ARHGAP4: variants seen among roughly 807,000 people sequenced by gnomAD.
The protein encoded by ARHGAP4 is Rho GTPase activating protein 4.
In ARHGAP4, 25 loss-of-function variants were observed where a neutral mutation model predicts 67.6. The observed-to-expected ratio is 0.37, with a 90% CI of 0.27 to 0.52. The LOEUF (loss-of-function observed/expected upper bound fraction) is 0.52. Ranked by LOEUF, ARHGAP4 falls within the 20% of genes least tolerant of loss-of-function variation. The probability of loss-of-function intolerance (pLI) is 0.92; values close to 1 mark genes in which losing one functional copy is unlikely to be tolerated. For synonymous variants in ARHGAP4, 448 were observed against 373.7 expected (o/e 1.20, Z -2.29); for missense variants, 804 against 854.6 (o/e 0.94, Z 0.74).
At chrX:153,919,789 T>TAA in intron 5 of ARHGAP4, 3 of 852,470 alleles carry the variant, frequency 3.5e-6, no homozygotes, top group African/African-American at 2.2e-5. Flanking sequence ...CTATTTTTTT[T>TAA]TTATTTTTTT....
chrX:153,925,882 G>A (rs1411035263), intron 1 of ARHGAP4, among the ~76,000 whole-genome samples: 3 of 113,136 alleles, frequency 2.7e-5, no homozygotes, highest in Non-Finnish European at 5.6e-5. Context: ...AACCTTGGGT[G>A]AGAAGCGGTA....
At chrX:153,923,950 G>T (rs1395569982) in intron 1 of ARHGAP4, among the ~76,000 whole-genome samples, 3 of 110,944 alleles carry the variant, frequency 2.7e-5, no homozygotes, top group African/African-American at 9.9e-5. Context: ...GCTAATTTTT[G>T]TATTTTTAGT....
chrX:153,909,910 C>T lies in ARHGAP4; in HGVS notation c.2245G>A (p.Val749Met), dbSNP rs1557102457. ...PAQEDDLEGVVEAVACFAYTG... is the reference protein window; with the variant it reads ...PAQEDDLEGVMEAVACFAYTG... ...TAGGCAAAGCAGGCCACAGCCTCCACGACCCCCTCCAGGTCTGGGGAGGAG... is the reference window on the plus strand; with the variant it reads ...TAGGCAAAGCAGGCCACAGCCTCCATGACCCCCTCCAGGTCTGGGGAGGAG... Residue 749 changes from valine (V) to methionine (M), a missense_variant, in exon 19 of 22, where the codon GTG becomes ATG. Transcript: ENST00000350060. 5.8e-6 allele frequency: 7 copies of T among 1,205,252 alleles called. No homozygotes were observed. The highest frequency in any genetic ancestry group is 3.0e-5 in the East Asian group (1 of 33,654).
chrX:153,913,866 C>T lies in ARHGAP4; in HGVS notation c.1046G>A (p.Cys349Tyr), dbSNP rs1603285637. 8.3e-7 allele frequency: 1 copy of T among 1,211,939 alleles called. No homozygotes were observed. The highest frequency in any genetic ancestry group is 1.1e-6 in the Non-Finnish European group (1 of 895,403). Residue 349 changes from cysteine to tyrosine, a missense_variant, in exon 8 of 22, where the codon TGC becomes TAC. Coordinates refer to ENST00000350060, the MANE Select transcript of ARHGAP4 (RefSeq NM_001666.5). ...PHDGDEVAEI[C>Y]VEMELRDEIL... ...CTCGTCCCGCAGCTCCATTTCAACG[C>T]AGATCTCAGCCACCTGCAGAGGGCG...
Position 153,913,021 on chromosome X carries a change from C to T in ARHGAP4, c.1439+3G>A. On this transcript the variant is annotated splice_donor_region_variant and intron_variant, in intron 11 of 21. Coordinates refer to ENST00000350060, the MANE Select transcript of ARHGAP4 (RefSeq NM_001666.5). ...AGGGCCCCAGCCCTCAGGGAGGACT[C>T]ACCAAGACACCTCCTGCTCCTCCTT... 8.4e-7 allele frequency: 1 copy of T among 1,195,522 alleles called. No individual in the cohort carries two copies. The highest frequency in any genetic ancestry group is 1.8e-5 in the South Asian group (1 of 54,815).
intron 1 of ARHGAP4, chrX:153,922,497 G>C: frequency 1.4e-6 from 1 of 692,899 alleles, no homozygotes; most frequent in Non-Finnish European, 1.7e-6. Flanking sequence ...ACCCTGCAGA[G>C]AGAGTCACAC....
At chrX:153,920,458 T>C in intron 5 of ARHGAP4, 168 bp downstream of exon 5, 1 of 577,539 alleles carries the variant, frequency 1.7e-6, no homozygotes, top group Middle Eastern at 5.5e-4. Flanking sequence ...TTTTCCCCAC[T>C]CTCTCAGGCC....
In ARHGAP4 at chrX:153,921,490, C is replaced by T; in HGVS notation, c.310G>A (p.Ala104Thr). The change falls in exon 3 of 22, where the codon GCG (alanine) becomes ACG (threonine). Residue 104 changes from alanine to threonine, a missense_variant. Ala to Thr is a moderately conservative substitution (Grantham distance 58). This residue lies in a region of ARHGAP4 where 404 missense variants were observed against 505.9 expected (regional missense o/e 0.80). Transcript: ENST00000350060. ...PSLLSPLHCW[A>T]VLLQHTRQQS... ...TGCCGCGTGTGCTGCAGCAGCACCG[C>T]CCAGCAGTGCAAGGGCGACAGGAGG... 4 of 1,198,722 alleles carry T rather than the reference C, an allele frequency of 3.3e-6. No homozygotes were observed. Among genetic ancestry groups the T allele is most frequent in the Non-Finnish European group, 4.5e-6 (4 of 889,019 alleles).
At position 153,920,681 on chromosome X, in the gene ARHGAP4, T is replaced by G; in HGVS notation, c.626A>C (p.Glu209Ala). 1 of 1,211,387 alleles carries G rather than the reference T, an allele frequency of 8.3e-7. No homozygotes were observed. Among genetic ancestry groups the G allele is most frequent in the Non-Finnish European group, 1.1e-6 (1 of 895,342 alleles). ...GGAGCTCTTGCGGAGGGGCCCTGCC[T>G]CAGTGGCACCAGCGGTGGTGGTGGG... ...SVPTTTAGAT[E>A]AGPLRKSSLK... The change falls in exon 5 of 22, where the codon GAG becomes GCG. Residue 209 changes from glutamate to alanine, a missense_variant. This residue lies in a region of ARHGAP4 where 404 missense variants were observed against 505.9 expected (regional missense o/e 0.80). Transcript: ENST00000350060.
Position 153,913,606 on chromosome X carries a change from G to A in ARHGAP4, c.1135-6C>T. The A allele has an allele frequency of 8.3e-7, 1 of 1,200,721 alleles. No homozygotes were observed. Among genetic ancestry groups the A allele is most frequent in the Non-Finnish European group, 1.1e-6 (1 of 888,142 alleles). ...GCCTTCAGAGTCTTGTTCACCTGCA[G>A]AGGAGACCACACCAGGGTGGTAAGA... On this transcript the variant is annotated splice_region_variant and splice_polypyrimidine_tract_variant and intron_variant, in intron 8 of 21. Coordinates refer to ENST00000350060, the MANE Select transcript of ARHGAP4 (RefSeq NM_001666.5).
At chrX:153,924,569 G>A (rs1470579084) in intron 1 of ARHGAP4, among the ~76,000 whole-genome samples, 6 of 111,833 alleles carry the variant, frequency 5.4e-5, no homozygotes, top group Admixed American at 2.8e-4. Context: ...TGAGCCATGT[G>A]AGGGCGGGGT....
rs781804209 is a variant in ARHGAP4, at chrX:153,926,114, G to C, written c.67+22C>G. On this transcript the variant is annotated intron_variant, in intron 1 of 21. Transcript: ENST00000350060. ...TGGGTTCTCCGCAGGAAACGGGCCGGGAGCGCCCGGCGCCCTCTCACCTTT... is the reference window on the plus strand; with the variant it reads ...TGGGTTCTCCGCAGGAAACGGGCCGCGAGCGCCCGGCGCCCTCTCACCTTT... The C allele has an allele frequency of 6.7e-6, 8 of 1,201,946 alleles. No homozygotes were observed. The South Asian group carries it at 1.4e-4, about 21-fold the overall frequency.
chrX:153,922,328 C>T (rs1557105538), intron 1 of ARHGAP4: 1 of 759,366 alleles, frequency 1.3e-6, no homozygotes, highest in Non-Finnish European at 1.6e-6. Flanking sequence ...GAAGCCTGCC[C>T]TCAGGCCCCA....
intron 5 of ARHGAP4, chrX:153,919,595 C>A (rs1002257878): frequency 3.4e-6 from 4 of 1,165,485 alleles, no homozygotes; most frequent in Non-Finnish European, 4.6e-6. Context: ...GCACATGGCA[C>A]CCCACCATGG....
chrX:153,911,214 A>C, intron 12 of ARHGAP4, 25 bp from the exon 13 acceptor site: 1 of 1,085,665 alleles, frequency 9.2e-7, no homozygotes. Flanking sequence ...TGTTTACTTC[A>C]CCATGGACAC....
At position 153,907,776 on chromosome X, in the gene ARHGAP4, A is replaced by G; in HGVS notation, c.2794T>C (p.Ser932Pro). Residue 932 changes from serine to proline, a missense_variant, in exon 22 of 22, where the codon TCA becomes CCA. This residue lies in a region of ARHGAP4 where 400 missense variants were observed against 348.7 expected (regional missense o/e 1.15). Transcript: ENST00000350060. ...TCTAGGCCCTGGGGGTGGGAAGCTG[A>G]GGGTGAGGCTGGGGCCCCAGGGCCC... ...SRGPGAPASPSASHPQGLDTT... is the reference protein window; with the variant it reads ...SRGPGAPASPPASHPQGLDTT... 9.9e-7 allele frequency: 1 copy of G among 1,011,114 alleles called. No homozygotes were observed. The highest frequency in any genetic ancestry group is 1.3e-6 in the Non-Finnish European group (1 of 789,162). 83.3% of individuals were successfully genotyped at this position (1,011,114 alleles called of 1,213,427 possible). A position where few individuals can be genotyped will look rare whatever the true frequency, so the allele number is the denominator to read the frequency against.
chrX:153,920,360 A>T, intron 5 of ARHGAP4: 1 of 374,540 alleles, frequency 2.7e-6, no homozygotes, highest in Non-Finnish European at 4.6e-6. Context: ...CTGAAACCTT[A>T]CGGAATGGCT....
chrX:153,925,465 C>T (rs1306744274), intron 1 of ARHGAP4, among the ~76,000 whole-genome samples: 1 of 112,245 alleles, frequency 8.9e-6, no homozygotes, highest in Non-Finnish European at 1.9e-5. Context: ...GTTACCATGC[C>T]CTGAATAAGA....
chrX:153,912,556 G>A, intron 12 of ARHGAP4, 144 bp downstream of exon 12: 2 of 512,220 alleles, frequency 3.9e-6, no homozygotes, highest in South Asian at 3.3e-5. Flanking sequence ...GCCTGGAAGA[G>A]GCCCACCCAG....
Sources: allele counts gnomAD v4.1 joint callset (sites outside exome capture counted in the v4.1 genomes callset), GRCh38; gene constraint gnomAD v4.1.1; regional missense constraint gnomAD v4.1.1; transcripts MANE v1.5; gene names NCBI Gene and HGNC (gene_info 2026-07-23, HGNC 2026-07-21).